Variants in LBR observed in about 807,000 individuals in gnomAD.
The protein encoded by LBR is lamin B receptor, also known as delta(14)-sterol reductase LBR.
LBR carries 28 observed loss-of-function variants against 74.3 expected under a neutral mutation model. That is an observed-to-expected ratio of 0.38 (90% CI 0.28 to 0.52). The LOEUF is 0.52. Ranked by LOEUF, LBR falls within the 20% of genes least tolerant of loss-of-function variation. LBR has a pLI of 0.89. For synonymous variants in LBR, 228 were observed against 269.3 expected (o/e 0.85, Z 1.50); for missense variants, 717 against 760.3 (o/e 0.94, Z 0.67).
At chr1:225,405,726 G>A (rs113756253) in intron 11 of LBR, among the ~76,000 whole-genome samples, 2 of 152,134 alleles carry the variant, frequency 1.3e-5, no homozygotes, top group Non-Finnish European at 2.9e-5. Flanking sequence ...TATTCTGTTC[G>A]AGCAGCACAA....
chr1:225,428,416 G>C (rs761623679), upstream of LBR, among the ~76,000 whole-genome samples: 1 of 152,218 alleles, frequency 6.6e-6, no homozygotes, highest in South Asian at 2.1e-4. Context: ...GGGGTGCCAG[G>C]TGGCTTGGCG....
rs1436775936 is a variant in LBR, at chr1:225,419,781, G to A, written c.384C>T (p.Ser128=). The part of the protein sequence containing the change: ...TPLILKPFGN[S]ISRYNGEPEH... ...CAGGCTCCCCATTATATCTGCTGAT[G>A]CTATTTCCAAATGGCTTCTAAATTG... Residue 128 remains serine, a synonymous_variant, in exon 4 of 14, where the codon AGC becomes AGT. Transcript: ENST00000272163. 2.5e-6 allele frequency: 4 copies of A among 1,610,040 alleles called. No individual in the cohort carries two copies. The highest frequency in any genetic ancestry group is 3.4e-6 in the Non-Finnish European group (4 of 1,176,736).
At chr1:225,410,524 G>GTA in intron 9 of LBR, 108 bp from the exon 10 acceptor site, 1 of 1,172,794 alleles carries the variant, frequency 8.5e-7, no homozygotes, top group Non-Finnish European at 1.2e-6. Flanking sequence ...AGACGCCACC[G>GTA]TAACTCCTAC....
Position 225,406,724 on chromosome 1 carries a change from A to C in LBR, c.1423T>G (p.Leu475Val). ...PFIYSFQAFY[L>V]VSHPNEVSWP... ...GACACTTCATTTGGATGACTGACTAAATAAAAGGCTTGGAAGCTGTAAATA... is the reference window on the plus strand; with the variant it reads ...GACACTTCATTTGGATGACTGACTACATAAAAGGCTTGGAAGCTGTAAATA... Residue 475 changes from leucine (L) to valine (V), a missense_variant, in exon 11 of 14, where the codon TTA becomes GTA. Leu to Val is a conservative substitution (Grantham distance 32). Transcript: ENST00000272163. The C allele has an allele frequency of 6.2e-7, 1 of 1,613,984 alleles. No homozygotes were observed. The highest frequency in any genetic ancestry group is 8.5e-7 in the Non-Finnish European group (1 of 1,179,978).
At chr1:225,427,629 C>G (rs2096142618) in intron 1 of LBR, 1 of 152,408 alleles carries the variant, frequency 6.6e-6, no homozygotes, top group Admixed American at 6.5e-5. Context: ...CCCTCCCTGC[C>G]GCCGCCGCTC....
chr1:225,407,495 G>A (rs1335662796), intron 10 of LBR, among the ~76,000 whole-genome samples: 2 of 152,134 alleles, frequency 1.3e-5, no homozygotes, highest in African/African-American at 2.4e-5. Context: ...TGACAGCTTC[G>A]CTTCTCATGT....
chr1:225,406,699 G>C lies in LBR; in HGVS notation c.1448C>G (p.Ser483Cys), dbSNP rs2096092426. Residue 483 changes from serine (S) to cysteine (C), a missense_variant, in exon 11 of 14, where the codon TCT (serine) becomes TGT (cysteine). Physicochemically the swap from Ser to Cys is moderately radical, Grantham distance 112. Coordinates refer to ENST00000272163, the MANE Select transcript of LBR (RefSeq NM_002296.4). Reference protein sequence around the residue: ...FYLVSHPNEVSWPMASLIIVL... With the variant: ...FYLVSHPNEVCWPMASLIIVL... Reference sequence around the variant, plus strand: ...AATAATTAGAGAAGCCATTGGCCAAGACACTTCATTTGGATGACTGACTAA... The same window carrying C: ...AATAATTAGAGAAGCCATTGGCCAACACACTTCATTTGGATGACTGACTAA... 6.2e-7 allele frequency: 1 copy of C among 1,613,600 alleles called. No homozygotes were observed. The highest frequency in any genetic ancestry group is 1.3e-5 in the African/African-American group (1 of 74,828).
At chr1:225,418,739 T>C (rs1489797896) in intron 5 of LBR, among the ~76,000 whole-genome samples, 1 of 152,222 alleles carries the variant, frequency 6.6e-6, no homozygotes, top group Non-Finnish European at 1.5e-5. Context: ...TTTCTTTTAC[T>C]AGCTCATAAA....
Position 225,403,434 on chromosome 1 carries a change from T to G in LBR, c.1717A>C (p.Ile573Leu). The G allele has an allele frequency of 6.2e-7, 1 of 1,612,778 alleles. No individual in the cohort carries two copies. The highest frequency in any genetic ancestry group is 8.5e-7 in the Non-Finnish European group (1 of 1,178,844). Residue 573 changes from isoleucine (I) to leucine (L), a missense_variant, in exon 14 of 14, where the codon ATA becomes CTA. By Grantham distance (5) the Ile-to-Leu change is conservative. Coordinates refer to ENST00000272163, the MANE Select transcript of LBR (RefSeq NM_002296.4). ...GFNHILPYFY[I>L]IYFTMLLVHR... ...ACAAGCAACATGGTGAAATAAATTA[T>G]GTAGAAATAAGGCAGAATGTGGTTA...
At chr1:225,424,870 G>C (rs1428542931) in intron 1 of LBR, among the ~76,000 whole-genome samples, 2 of 152,318 alleles carry the variant, frequency 1.3e-5, no homozygotes, top group African/African-American at 4.8e-5. Context: ...AATATCAATT[G>C]ATAGCTGGGT....
At position 225,403,320 on chromosome 1, in the gene LBR, A is replaced by C. The variant is rs760973933; in HGVS notation, c.1831T>G (p.Phe611Val). 7.4e-6 allele frequency: 12 copies of C among 1,614,032 alleles called. No homozygotes were observed. The South Asian group carries it at 1.3e-4, about 18-fold the overall frequency. The change falls in exon 14 of 14, where the codon TTT becomes GTT. Residue 611 changes from phenylalanine to valine, a missense_variant. Coordinates refer to ENST00000272163, the MANE Select transcript of LBR (RefSeq NM_002296.4). ...GAAGAGCATTAGTAGATGTATGGAA[A>C]TATACGGTAGGGCACACGCTGACAG... ...KYCQRVPYRI[F>V]PYIY
In LBR at chr1:225,417,813, CT is replaced by C. The variant is rs1237496783; in HGVS notation, c.837+170del. ...TTTGGGAATTATGACCAACAACAGCCTTTAACCTTTAAACTACTCTAAGGCT... is the reference window on the plus strand; with the variant it reads ...TTTGGGAATTATGACCAACAACAGCCTTAACCTTTAAACTACTCTAAGGCT... On this transcript the variant is annotated intron_variant, in intron 6 of 13. Coordinates refer to ENST00000272163, the MANE Select transcript of LBR (RefSeq NM_002296.4). 1.3e-4 allele frequency: 83 copies of C among 635,002 alleles called. 1 individual carries two copies. The highest frequency in any genetic ancestry group is 3.1e-5 in the Non-Finnish European group (11 of 358,956). 39.3% of individuals were successfully genotyped at this position (635,002 alleles called of 1,614,324 possible). A position where few individuals can be genotyped will look rare whatever the true frequency, so the allele number is the denominator to read the frequency against.
At chr1:225,415,227 G>T in intron 7 of LBR, 51 bp downstream of exon 7, 1 of 1,185,168 alleles carries the variant, frequency 8.4e-7, no homozygotes, top group Non-Finnish European at 1.2e-6. Context: ...TTAACACTTA[G>T]AAGTTTAAGC....
At chr1:225,414,344 A>G in intron 7 of LBR, 1 of 343,788 alleles carries the variant, frequency 2.9e-6, no homozygotes, top group South Asian at 2.3e-5. Flanking sequence ...AAGTTAAAAA[A>G]TGAAGAATTG....
At chr1:225,403,605 T>A in intron 13 of LBR, 142 bp from the exon 14 acceptor site, 1 of 682,284 alleles carries the variant, frequency 1.5e-6, no homozygotes, top group Non-Finnish European at 2.5e-6. Context: ...ATTAAACAAG[T>A]CTGTAAAATC....
chr1:225,422,567 C>G, intron 2 of LBR: 1 of 366,662 alleles, frequency 2.7e-6, no homozygotes, highest in Non-Finnish European at 5.1e-6. Context: ...ACACCATATG[C>G]AAGAAGGGTA....
intron 10 of LBR, 131 bp from the exon 11 acceptor site, chr1:225,406,963 G>A (rs1014976861): frequency 1.4e-5 from 12 of 834,330 alleles, no homozygotes; most frequent in Non-Finnish European, 2.2e-5. Context: ...TTGTTAAAGG[G>A]GAGAGAGATC....
chr1:225,405,933 T>G (rs969736233), intron 11 of LBR, among the ~76,000 whole-genome samples: 1 of 152,222 alleles, frequency 6.6e-6, no homozygotes, highest in African/African-American at 2.4e-5. Flanking sequence ...TAATTTTCCC[T>G]GCCCAACCTC....
intron 7 of LBR, among the ~76,000 whole-genome samples, chr1:225,413,676 A>C (rs1411306446): frequency 6.6e-6 from 1 of 152,266 alleles, no homozygotes; most frequent in Non-Finnish European, 1.5e-5. Context: ...AAGAATGGTT[A>C]GATAAAGCAG....
Sources: gnomAD v4.1 joint callset for allele counts (sites outside exome capture counted in the v4.1 genomes callset) on GRCh38, gnomAD v4.1.1 for gene constraint, MANE v1.5 for transcripts, NCBI Gene and HGNC (gene_info 2026-07-23, HGNC 2026-07-21) for gene names.